Variants in MOXD1 observed in about 807,000 individuals in gnomAD.
MOXD1 encodes DBH-like monooxygenase protein 1.
A neutral mutation model predicts 66.6 loss-of-function variants in MOXD1; 62 were observed. The observed-to-expected ratio is 0.93, with a 90% CI of 0.76 to 1.15. MOXD1 has a LOEUF of 1.15. Ranked by LOEUF, MOXD1 falls within the 50% of genes most tolerant of loss-of-function variation. MOXD1 has a pLI of 0.00. For missense variants in MOXD1, 847 were observed against 754.6 expected (o/e 1.12, Z -1.44); for synonymous variants, 303 against 281.9 (o/e 1.07, Z -0.75).
At chr6:132,357,284 C>A (rs981473317) in intron 4 of MOXD1, among the ~76,000 whole-genome samples, 34 of 152,126 alleles carry the variant, frequency 2.2e-4, no homozygotes, top group Admixed American at 1.8e-3. Context: ...TTGGAAAATT[C>A]TATTTGCTAT....
Position 132,320,593 on chromosome 6 carries a change from A to G in MOXD1, c.1365+36T>C, listed in dbSNP as rs73779068. On this transcript the variant is annotated intron_variant, in intron 9 of 11. Transcript: ENST00000367963. ...AAATCAAGTTTATTTCTTTCTCTCC[A>G]TAAATGAACTTTAATAATAATAAAA... 2,209 of 1,516,210 alleles carry G rather than the reference A, an allele frequency of 1.5e-3. 25 individuals carry two copies. In the African/African-American group the frequency reaches 0.027, roughly 18 times the overall value. The allele number at this position is 1,516,210 out of a possible 1,614,324, so 93.9% of individuals were successfully genotyped here.
At chr6:132,330,278 C>T (rs1484183363) in intron 4 of MOXD1, among the ~76,000 whole-genome samples, 1 of 152,202 alleles carries the variant, frequency 6.6e-6, no homozygotes, top group Non-Finnish European at 1.5e-5. Context: ...CTCCCCAACA[C>T]TCACATTACC....
intron 4 of MOXD1, among the ~76,000 whole-genome samples, chr6:132,333,884 A>G (rs1775381834): frequency 6.6e-6 from 1 of 152,206 alleles, no homozygotes; most frequent in South Asian, 2.1e-4. Flanking sequence ...ACAGAAAGGG[A>G]AAGACTTCAA....
intron 1 of MOXD1, among the ~76,000 whole-genome samples, chr6:132,397,171 G>T (rs1460165192): frequency 6.6e-6 from 1 of 152,204 alleles, no homozygotes; most frequent in Non-Finnish European, 1.5e-5. Flanking sequence ...AACATCAACT[G>T]CCAGCCATAA....
At position 132,372,685 on chromosome 6, in the gene MOXD1, T is replaced by TG; in HGVS notation, c.585dup (p.Ile196HisfsTer14). The TG allele has an allele frequency of 6.2e-7, 1 of 1,613,776 alleles. No homozygotes were observed. The highest frequency in any genetic ancestry group is 8.5e-7 in the Non-Finnish European group (1 of 1,179,708). On this transcript the variant is annotated frameshift_variant, in exon 4 of 12. Coordinates refer to ENST00000367963, the MANE Select transcript of MOXD1 (RefSeq NM_015529.4). LOFTEE classifies it high-confidence loss of function. ...CAATATGTTGTATCTTTGTTTGGGATGGGGACCTGTCTTAATAAAAAGGGG... is the reference window on the plus strand; with the variant it reads ...CAATATGTTGTATCTTTGTTTGGGATGGGGGACCTGTCTTAATAAAAAGGGG...
intron 10 of MOXD1, among the ~76,000 whole-genome samples, chr6:132,311,900 G>A (rs189897091): frequency 7.2e-5 from 11 of 151,990 alleles, no homozygotes; most frequent in Admixed American, 2.6e-4. Context: ...TAATAAGCAC[G>A]TGTGAGTTTT....
chr6:132,398,226 T>C (rs1368503849), intron 1 of MOXD1, among the ~76,000 whole-genome samples: 1 of 152,220 alleles, frequency 6.6e-6, no homozygotes, highest in African/African-American at 2.4e-5. Context: ...CTGACATCTA[T>C]AGACATTTGG....
At chr6:132,321,887 C>G (rs1287871593) in intron 8 of MOXD1, among the ~76,000 whole-genome samples, 2 of 152,172 alleles carry the variant, frequency 1.3e-5, no homozygotes, top group Non-Finnish European at 2.9e-5. Flanking sequence ...AGATCCCTTT[C>G]CTCTTTATCA....
chr6:132,304,327 T>C (rs780678379), intron 10 of MOXD1, among the ~76,000 whole-genome samples: 6 of 152,160 alleles, frequency 3.9e-5, no homozygotes, highest in Non-Finnish European at 7.3e-5. Flanking sequence ...CTTCCCCATC[T>C]TCACAACAAT....
At chr6:132,365,193 C>A (rs1776094433) in intron 4 of MOXD1, among the ~76,000 whole-genome samples, 1 of 152,108 alleles carries the variant, frequency 6.6e-6, no homozygotes, top group Non-Finnish European at 1.5e-5. Context: ...TTTCTGTCAA[C>A]AGACCAAGCA....
At chr6:132,344,105 T>C (rs1270795258) in intron 4 of MOXD1, among the ~76,000 whole-genome samples, 2 of 152,244 alleles carry the variant, frequency 1.3e-5, no homozygotes, top group Non-Finnish European at 2.9e-5. Context: ...GATGGCTTTA[T>C]AAGCAGTGAC....
At chr6:132,345,668 C>A (rs903303818) in intron 4 of MOXD1, among the ~76,000 whole-genome samples, 2 of 152,048 alleles carry the variant, frequency 1.3e-5, no homozygotes, top group African/African-American at 4.8e-5. Flanking sequence ...AATTTATCTC[C>A]TCTTATTTTT....
chr6:132,329,796 T>C (rs1775278178), intron 4 of MOXD1, among the ~76,000 whole-genome samples: 1 of 152,176 alleles, frequency 6.6e-6, no homozygotes, highest in Non-Finnish European at 1.5e-5. Context: ...GCACATTTTA[T>C]TTTTATTTTA....
chr6:132,303,835 G>GTGTGTA (rs1228249888), intron 10 of MOXD1, among the ~76,000 whole-genome samples: 7 of 47,536 alleles, frequency 1.5e-4, no homozygotes, highest in Non-Finnish European at 2.1e-4. Flanking sequence ...GTGTGTGTGT[G>GTGTGTA]TATATATATA....
At chr6:132,347,762 T>C (rs1775696412) in intron 4 of MOXD1, among the ~76,000 whole-genome samples, 1 of 152,220 alleles carries the variant, frequency 6.6e-6, no homozygotes, top group African/African-American at 2.4e-5. Context: ...AAGACTATGC[T>C]TAACTTCTTG....
chr6:132,348,841 T>A (rs972285769), intron 4 of MOXD1, among the ~76,000 whole-genome samples: 1 of 152,114 alleles, frequency 6.6e-6, no homozygotes, highest in East Asian at 1.9e-4. Context: ...TTGTCTTCAC[T>A]CCCCGCTAAA....
chr6:132,385,619 G>T (rs1331252743), intron 1 of MOXD1, among the ~76,000 whole-genome samples: 1 of 151,698 alleles, frequency 6.6e-6, no homozygotes, highest in Non-Finnish European at 1.5e-5. Flanking sequence ...AAGTAACTGG[G>T]ATTACAGGTG....
At chr6:132,331,365 C>T (rs567930372) in intron 4 of MOXD1, among the ~76,000 whole-genome samples, 48 of 152,240 alleles carry the variant, frequency 3.2e-4, no homozygotes, top group Admixed American at 2.2e-3. Context: ...GTTACTGTCA[C>T]GACAGTTTCA....
chr6:132,338,720 T>G (rs1775490488), intron 4 of MOXD1, among the ~76,000 whole-genome samples: 1 of 152,248 alleles, frequency 6.6e-6, no homozygotes, highest in Non-Finnish European at 1.5e-5. Context: ...GAACACATTT[T>G]ATTGGGTTTG....
Sources: gnomAD v4.1 joint callset for allele counts (sites outside exome capture counted in the v4.1 genomes callset) on GRCh38, gnomAD v4.1.1 for gene constraint, MANE v1.5 for transcripts, NCBI Gene and HGNC (gene_info 2026-07-23, HGNC 2026-07-21) for gene names.